RASSF2: variants seen among roughly 807,000 people sequenced by gnomAD.
The protein encoded by RASSF2 is ras association domain-containing protein 2.
Under a neutral mutation model 46.3 loss-of-function variants are expected in RASSF2, and 34 were observed. The observed-to-expected ratio is 0.73, with a 90% CI of 0.56 to 0.98. The LOEUF is 0.98. RASSF2 is among the 50% of genes least tolerant of loss of function. The pLI is 0.00. For synonymous variants in RASSF2, 158 were observed against 162.5 expected (o/e 0.97, Z 0.21); for missense variants, 364 against 431.2 (o/e 0.84, Z 1.38).
chr20:4,806,859 C>A (rs920748670), intron 2 of RASSF2, among the ~76,000 whole-genome samples: 9 of 152,210 alleles, frequency 5.9e-5, no homozygotes, highest in Non-Finnish European at 1.3e-4. Flanking sequence ...TCTTCTAACT[C>A]ACCAATTGAA....
At chr20:4,815,119 G>A (rs892992953) in intron 2 of RASSF2, 3 of 152,224 alleles carry the variant, frequency 2.0e-5, no homozygotes, top group African/African-American at 4.8e-5. Flanking sequence ...GGAACTCACA[G>A]CATTTGCCTC....
At position 4,780,686 on chromosome 20, in the gene RASSF2, G is replaced by C. The variant is rs1004852797; in HGVS notation, c.*3587C>G. ...TGTTCATGTAGAAATTTCTCTTTTG[G>C]CTGGGCACAGTGGCTCACGCCTGTA... On this transcript the variant is annotated 3_prime_UTR_variant, in exon 12 of 12. Coordinates refer to ENST00000379400, the MANE Select transcript of RASSF2 (RefSeq NM_014737.3). 2 of 151,998 alleles carry C rather than the reference G, an allele frequency of 1.3e-5. No individual in the cohort carries two copies. The highest frequency in any genetic ancestry group is 1.3e-4 in the Admixed American group (2 of 15,260). 9.4% of individuals were successfully genotyped at this position (151,998 alleles called of 1,614,324 possible). A position where few individuals can be genotyped will look rare whatever the true frequency, so the allele number is the denominator to read the frequency against.
chr20:4,805,896 A>G (rs1347398615), intron 2 of RASSF2, among the ~76,000 whole-genome samples: 1 of 152,178 alleles, frequency 6.6e-6, no homozygotes, highest in Non-Finnish European at 1.5e-5. Context: ...TGCCACCTTC[A>G]CAGTTGCTGA....
chr20:4,815,854 A>G (rs1349588999), intron 2 of RASSF2, among the ~76,000 whole-genome samples: 2 of 152,216 alleles, frequency 1.3e-5, no homozygotes, highest in Non-Finnish European at 2.9e-5. Context: ...TGAGGCTGAG[A>G]TGGAGGCAGC....
chr20:4,783,312 T>G lies in RASSF2; in HGVS notation c.*961A>C, dbSNP rs1925001223. On this transcript the variant is annotated 3_prime_UTR_variant, in exon 12 of 12. Transcript: ENST00000379400. ...TCTGCAGGTAGCCTCGACATTTCCC[T>G]TCAACCTGAAACTTCCTGGCCACCA... 1 of 152,318 alleles carries G rather than the reference T, an allele frequency of 6.6e-6. No individual in the cohort carries two copies. Among genetic ancestry groups the G allele is most frequent in the Non-Finnish European group, 1.5e-5 (1 of 68,096 alleles). The allele number at this position is 152,318 out of a possible 1,614,324, so 9.4% of individuals were successfully genotyped here. A position where few individuals can be genotyped will look rare whatever the true frequency, so the allele number is the denominator to read the frequency against.
chr20:4,786,185 G>A (rs1925317844), intron 11 of RASSF2, 46 bp downstream of exon 11: 1 of 1,478,570 alleles, frequency 6.8e-7, no homozygotes. Flanking sequence ...CCCCTCTGTT[G>A]AGGCCCCAGG....
chr20:4,785,885 C>T (rs1925286860), intron 11 of RASSF2, among the ~76,000 whole-genome samples: 2 of 152,182 alleles, frequency 1.3e-5, no homozygotes, highest in Admixed American at 6.5e-5. Context: ...GGAGCCTGAT[C>T]GTATACTTAA....
At chr20:4,787,609 T>C in intron 10 of RASSF2, 24 bp downstream of exon 10, 1 of 1,614,080 alleles carries the variant, frequency 6.2e-7, no homozygotes, top group Non-Finnish European at 8.5e-7. Context: ...TGAGGACAGA[T>C]CGCCTGACCC....
chr20:4,789,726 G>T (rs1217856913), intron 7 of RASSF2, 29 bp from the exon 8 acceptor site: 16 of 1,591,170 alleles, frequency 1.0e-5, no homozygotes, highest in Admixed American at 1.7e-5. Flanking sequence ...AGCTCAGGGT[G>T]GGAGTGGGAA....
chr20:4,788,370 G>C, intron 8 of RASSF2, 102 bp from the exon 9 acceptor site: 1 of 1,142,540 alleles, frequency 8.8e-7, no homozygotes, highest in South Asian at 1.3e-5. Context: ...GTCAATTTTA[G>C]GCTGTTTTGA....
chr20:4,821,856 G>A (rs1928712544), intron 2 of RASSF2, among the ~76,000 whole-genome samples: 1 of 152,056 alleles, frequency 6.6e-6, no homozygotes, highest in Non-Finnish European at 1.5e-5. Context: ...GCATCAGGCT[G>A]ACCTGTCCAG....
At position 4,792,647 on chromosome 20, in the gene RASSF2, A is replaced by C. The variant is rs1183572503; in HGVS notation, c.288-20T>G. 3.7e-6 allele frequency: 6 copies of C among 1,611,964 alleles called. No homozygotes were observed. The African/African-American group carries it at 6.7e-5, about 18-fold the overall frequency. On this transcript the variant is annotated intron_variant, in intron 5 of 11. Coordinates refer to ENST00000379400, the MANE Select transcript of RASSF2 (RefSeq NM_014737.3). ...GTGGTTCTGGGAGTGGAGAAGACAA[A>C]GGGGAGGGGGGAGACTAGTTTAAGC...
At chr20:4,799,208 C>T (rs1015566286) in intron 3 of RASSF2, among the ~76,000 whole-genome samples, 5 of 152,166 alleles carry the variant, frequency 3.3e-5, no homozygotes, top group Non-Finnish European at 5.9e-5. Context: ...CCCTCTGAAG[C>T]CCAGCACTGG....
chr20:4,804,495 G>A (rs973887906), intron 2 of RASSF2, among the ~76,000 whole-genome samples: 4 of 151,360 alleles, frequency 2.6e-5, no homozygotes. Flanking sequence ...GTGCCACCAC[G>A]CTCAGCTAAT....
chr20:4,784,809 C>T (rs950687643), intron 11 of RASSF2, among the ~76,000 whole-genome samples: 15 of 152,058 alleles, frequency 9.9e-5, no homozygotes, highest in African/African-American at 3.1e-4. Flanking sequence ...ATGGTTCAAC[C>T]TTATAACAGA....
Position 4,812,180 on chromosome 20 carries a change from G to A in RASSF2, c.-33+10149C>T, listed in dbSNP as rs1332196508. Among the ~76,000 whole-genome samples, 2 of 152,154 alleles carry A rather than the reference G, an allele frequency of 1.3e-5. No individual in the cohort carries two copies. Among genetic ancestry groups the A allele is most frequent in the Non-Finnish European group, 2.9e-5 (2 of 68,030 alleles). On this transcript the variant is annotated intron_variant, in intron 2 of 11. Coordinates refer to ENST00000379400, the MANE Select transcript of RASSF2 (RefSeq NM_014737.3). The surrounding 1 kb of genome is among the most constrained non-coding windows in gnomAD (Gnocchi z 4.0). ...CTTCCCAAACCCAAGCCTGTCCTGG[G>A]CATGGGCAAAATGTGGGCTGCCTCG...
chr20:4,798,217 C>A, intron 3 of RASSF2, 132 bp from the exon 4 acceptor site: 2 of 1,355,520 alleles, frequency 1.5e-6, no homozygotes, highest in Non-Finnish European at 9.9e-7. Flanking sequence ...CATGTACATA[C>A]ACACACATGC....
chr20:4,805,825 G>A (rs1465770453), intron 2 of RASSF2, among the ~76,000 whole-genome samples: 1 of 152,184 alleles, frequency 6.6e-6, no homozygotes, highest in Admixed American at 6.5e-5. Flanking sequence ...GAAACGTGGG[G>A]TGACAGGCAG....
intron 2 of RASSF2, among the ~76,000 whole-genome samples, chr20:4,821,067 T>G (rs1928657566): frequency 6.6e-6 from 1 of 152,136 alleles, no homozygotes; most frequent in African/African-American, 2.4e-5. Flanking sequence ...CAGCCATTCC[T>G]AAGCAGCTCA....
Sources: gnomAD v4.1 joint callset for allele counts (sites outside exome capture counted in the v4.1 genomes callset) on GRCh38, gnomAD v4.1.1 for gene constraint, Gnocchi (gnomAD v3.1) non-coding constraint, MANE v1.5 for transcripts, NCBI Gene and HGNC (gene_info 2026-07-23, HGNC 2026-07-21) for gene names.